PCDHGB1: variants seen among roughly 807,000 people sequenced by gnomAD.
PCDHGB1 encodes the protein protocadherin gamma subfamily B, 1, also known as protocadherin gamma-B1.
PCDHGB1 carries 34 observed loss-of-function variants against 56.6 expected under a neutral mutation model. That is an observed-to-expected ratio of 0.60 (90% CI 0.46 to 0.80). The LOEUF (loss-of-function observed/expected upper bound fraction) is 0.80. Among genes scored for constraint, PCDHGB1 ranks in the 30% least tolerant of loss-of-function variants. The pLI, the probability that PCDHGB1 is intolerant of heterozygous loss-of-function variation, is 0.00. For missense variants in PCDHGB1, 1,278 were observed against 1,204.6 expected, an observed-to-expected ratio of 1.06 and a Z score of -0.90; for synonymous variants, 561 against 505.9, an observed-to-expected ratio of 1.11 and a Z score of -1.46.
intron 1 of PCDHGB1, among the ~76,000 whole-genome samples, chr5:141,461,733 C>G (rs930217307): frequency 2.0e-5 from 3 of 152,168 alleles, no homozygotes; most frequent in African/African-American, 2.4e-5. Context: ...TGCAGTGGCA[C>G]AATCCCGGCT....
chr5:141,471,408 T>C (rs951728688), intron 1 of PCDHGB1: 1 of 152,166 alleles, frequency 6.6e-6, no homozygotes, highest in Non-Finnish European at 1.5e-5. Flanking sequence ...CTAGGCTTAG[T>C]TATGTTTTTA....
rs199537783 is a variant in PCDHGB1 at position 141,389,536 on chromosome 5, A to G, written c.2409+36867A>G. 177 of 1,613,198 alleles carry G rather than the reference A, an allele frequency of 1.1e-4. No individual in the cohort carries two copies. Among genetic ancestry groups the G allele is most frequent in the Middle Eastern group, 9.9e-4 (6 of 6,036 alleles). On this transcript the variant is annotated intron_variant, in intron 1 of 3. Coordinates refer to ENST00000523390, the MANE Select transcript of PCDHGB1 (RefSeq NM_018922.3). ...AACGTGAGCCTGCGCGTGTTAGTGG[A>G]CGACCGCAACGACAATGCGCCACGG...
At chr5:141,510,658 A>G (rs1162885805) in intron 3 of PCDHGB1, among the ~76,000 whole-genome samples, 1 of 152,178 alleles carries the variant, frequency 6.6e-6, no homozygotes, top group African/African-American at 2.4e-5. Context: ...CATTTTGCAG[A>G]TGAGAAAACT....
intron 1 of PCDHGB1, chr5:141,394,313 C>T (rs2092972755): frequency 1.2e-6 from 2 of 1,614,022 alleles, no homozygotes; most frequent in East Asian, 2.2e-5. Flanking sequence ...AGGGGGCGCC[C>T]CTGTCCTCGT....
At chr5:141,394,256 C>G in intron 1 of PCDHGB1, 1 of 1,613,942 alleles carries the variant, frequency 6.2e-7, no homozygotes, top group Non-Finnish European at 8.5e-7. Flanking sequence ...ACCCCGACAG[C>G]CAGGAGAATG....
At chr5:141,438,739 G>A (rs1264194876) in intron 1 of PCDHGB1, among the ~76,000 whole-genome samples, 1 of 149,040 alleles carries the variant, frequency 6.7e-6, no homozygotes, top group African/African-American at 2.5e-5. Context: ...TCAGCTCACT[G>A]CAACCTCTGC....
chr5:141,427,887 C>G, intron 1 of PCDHGB1: 1 of 1,565,908 alleles, frequency 6.4e-7, no homozygotes, highest in South Asian at 1.1e-5. Flanking sequence ...GGCCCACGAC[C>G]AGGGCTCGCC....
rs1329649336 is a variant in PCDHGB1, at chr5:141,477,589, GCTTT to G, written c.2410-17207_2410-17204del. 2 of 1,614,130 alleles carry G rather than the reference GCTTT, an allele frequency of 1.2e-6. No homozygotes were observed. Among genetic ancestry groups the G allele is most frequent in the South Asian group, 1.1e-5 (1 of 91,086 alleles). ...ACCCCGACGCCCCGCAGAATGCTCGGCTTTCTTTCTTTCTCTTGGAGCAAGGAGC... is the reference window on the plus strand; with the variant it reads ...ACCCCGACGCCCCGCAGAATGCTCGGCTTTCTTTCTCTTGGAGCAAGGAGC... On this transcript the variant is annotated intron_variant, in intron 1 of 3. Coordinates refer to ENST00000523390, the MANE Select transcript of PCDHGB1 (RefSeq NM_018922.3). The surrounding 1 kb of genome is among the most constrained non-coding windows in gnomAD (Gnocchi z 4.9).
rs767497197 is a variant in PCDHGB1, at chr5:141,486,350, T to C, written c.2410-8457T>C. The C allele has an allele frequency of 6.2e-7, 1 of 1,614,128 alleles. No homozygotes were observed. Among genetic ancestry groups the C allele is most frequent in the South Asian group, 1.1e-5 (1 of 91,074 alleles). On this transcript the variant is annotated intron_variant, in intron 1 of 3. Transcript: ENST00000523390. The surrounding 1 kb of genome is among the most constrained non-coding windows in gnomAD (Gnocchi z 5.0). ...TGTGAGCCTCCGCATTCCTGACCAC[T>C]TGCCATTTGCCCTCAAGTCTGCCTT...
Position 141,366,042 on chromosome 5 carries a change from G to T in PCDHGB1, c.2409+13373G>T, listed in dbSNP as rs1221134506. 8.1e-6 allele frequency: 13 copies of T among 1,614,242 alleles called. No individual in the cohort carries two copies. In the Middle Eastern group the frequency reaches 4.9e-4, roughly 61 times the overall value. The stretch of plus-strand genomic sequence containing the variant: ...CTGTACCCCGCCCTCCCCACAGACG[G>T]TTCCACGGGCGTGGAGCTGGCGCCT... On this transcript the variant is annotated intron_variant, in intron 1 of 3. Transcript: ENST00000523390.
chr5:141,364,548 A>G, intron 1 of PCDHGB1: 5 of 1,614,106 alleles, frequency 3.1e-6, no homozygotes, highest in Non-Finnish European at 4.2e-6. Context: ...GGTAGGACGC[A>G]GCTTTTTGCC....
intron 1 of PCDHGB1, chr5:141,410,302 A>C: frequency 1.2e-6 from 2 of 1,613,356 alleles, no homozygotes; most frequent in Non-Finnish European, 1.7e-6. Flanking sequence ...CCTTAATCTC[A>C]GTGCTCTTCC....
intron 3 of PCDHGB1, among the ~76,000 whole-genome samples, chr5:141,509,056 G>A (rs1303823294): frequency 1.3e-5 from 2 of 152,178 alleles, no homozygotes; most frequent in Admixed American, 6.5e-5. Context: ...CCCCCAGAAA[G>A]CTCTCAGCTC....
chr5:141,419,332 C>A, intron 1 of PCDHGB1: 1 of 1,613,950 alleles, frequency 6.2e-7, no homozygotes, highest in South Asian at 1.1e-5. Context: ...CCTACTCTCT[C>A]ATTGCCAGCG....
Position 141,427,790 on chromosome 5 carries a change from C to T in PCDHGB1, c.2410-67017C>T, listed in dbSNP as rs1212280689. ...TGGAGCTGCGGGCACTGTCGTCCTACGTGTCCGTGAGCGCACAGAGCGGGG... is the reference window on the plus strand; with the variant it reads ...TGGAGCTGCGGGCACTGTCGTCCTATGTGTCCGTGAGCGCACAGAGCGGGG... On this transcript the variant is annotated intron_variant, in intron 1 of 3. Transcript: ENST00000523390. 2.0e-6 allele frequency: 3 copies of T among 1,482,108 alleles called. No homozygotes were observed. The Admixed American group carries it at 5.0e-5, about 25-fold the overall frequency. 91.8% of individuals were successfully genotyped at this position (1,482,108 alleles called of 1,614,324 possible).
intron 1 of PCDHGB1, chr5:141,389,006 C>T (rs1238735616): frequency 1.2e-6 from 2 of 1,613,868 alleles, no homozygotes. Flanking sequence ...ACAAGGATTC[C>T]AGACACAATG....
chr5:141,360,101 C>A lies in PCDHGB1; in HGVS notation c.2409+7432C>A. On this transcript the variant is annotated intron_variant, in intron 1 of 3. Coordinates refer to ENST00000523390, the MANE Select transcript of PCDHGB1 (RefSeq NM_018922.3). ...TTCTGCCATCCCCGGAAGGCTTATT[C>A]CTCCTATGGGCAAAGGAGCAAAGGG... 4.6e-6 allele frequency: 7 copies of A among 1,533,060 alleles called. No homozygotes were observed. The Middle Eastern group carries it at 5.4e-4, about 118-fold the overall frequency. The allele number at this position is 1,533,060 out of a possible 1,614,324, so 95.0% of individuals were successfully genotyped here.
chr5:141,399,165 T>C (rs1423083245), intron 1 of PCDHGB1: 1 of 1,613,774 alleles, frequency 6.2e-7, no homozygotes, highest in South Asian at 1.1e-5. Context: ...TTACATTCCA[T>C]TCTCTACTTG....
chr5:141,509,371 T>C (rs2099876508), intron 3 of PCDHGB1, among the ~76,000 whole-genome samples: 1 of 152,258 alleles, frequency 6.6e-6, no homozygotes, highest in South Asian at 2.1e-4. Context: ...AGGTTTTAAC[T>C]GTCTCCTAAC....
Sources: allele counts gnomAD v4.1 joint callset (sites outside exome capture counted in the v4.1 genomes callset), GRCh38; gene constraint gnomAD v4.1.1; non-coding constraint Gnocchi (gnomAD v3.1); transcripts MANE v1.5; gene names NCBI Gene and HGNC (gene_info 2026-07-23, HGNC 2026-07-21).